Variants in AGBL1 observed in about 807,000 individuals in gnomAD.
The protein encoded by AGBL1 is AGBL carboxypeptidase 1, also known as cytosolic carboxypeptidase 4.
A neutral mutation model predicts 118.9 loss-of-function variants in AGBL1; 130 were observed. The ratio of observed to expected loss-of-function variants is 1.09; its 90% CI spans 0.95 to 1.26. AGBL1 has a LOEUF of 1.26. Among genes scored for constraint, AGBL1 ranks in the 50% most tolerant of loss-of-function variants. AGBL1 has a pLI of 0.00. For missense variants in AGBL1, 1,584 were observed against 1,298.1 expected (o/e 1.22, Z -3.38); for synonymous variants, 555 against 478.9 (o/e 1.16, Z -2.08).
At chr15:86,372,880 G>A (rs2080989820) in intron 17 of AGBL1, among the ~76,000 whole-genome samples, 1 of 151,970 alleles carries the variant, frequency 6.6e-6, no homozygotes. Context: ...CACCCTTGCT[G>A]CCCCTACAGA....
At chr15:86,705,131 C>T (rs945849094) in intron 22 of AGBL1, among the ~76,000 whole-genome samples, 6 of 152,036 alleles carry the variant, frequency 3.9e-5, no homozygotes, top group Admixed American at 2.6e-4. Context: ...TGGGCCCTGT[C>T]AGTGGCTGGT....
At chr15:86,551,424 G>C (rs1208037444) in intron 20 of AGBL1, among the ~76,000 whole-genome samples, 3 of 152,044 alleles carry the variant, frequency 2.0e-5, no homozygotes, top group Non-Finnish European at 4.4e-5. Flanking sequence ...ATCTTACAAA[G>C]TAAAAATGAA....
intron 16 of AGBL1, among the ~76,000 whole-genome samples, chr15:86,292,106 CA>C: frequency 6.6e-6 from 1 of 152,218 alleles, no homozygotes; most frequent in South Asian, 2.1e-4. Flanking sequence ...GTCCACATCG[CA>C]ATCCTGTGAA....
At chr15:86,962,040 C>T (rs897409155) in intron 23 of AGBL1, among the ~76,000 whole-genome samples, 2 of 152,058 alleles carry the variant, frequency 1.3e-5, no homozygotes, top group East Asian at 1.9e-4. Flanking sequence ...GATGTATTGG[C>T]GAGTTCTTAT....
At chr15:86,397,117 A>T (rs1367068280) in intron 17 of AGBL1, among the ~76,000 whole-genome samples, 1 of 152,192 alleles carries the variant, frequency 6.6e-6, no homozygotes, top group Non-Finnish European at 1.5e-5. Flanking sequence ...CAATCATGTG[A>T]AAATCAGTTT....
intron 1 of AGBL1, chr15:86,087,986 C>T (rs1467902886): frequency 6.6e-6 from 1 of 152,358 alleles, no homozygotes; most frequent in African/African-American, 2.4e-5. Flanking sequence ...GAACAGGGAT[C>T]AGCATTCTTT....
chr15:86,712,355 C>T (rs887782083), intron 22 of AGBL1, among the ~76,000 whole-genome samples: 8 of 146,254 alleles, frequency 5.5e-5, no homozygotes, highest in African/African-American at 1.8e-4. Context: ...ATTACAGAGA[C>T]GATGTGTACT....
intron 17 of AGBL1, among the ~76,000 whole-genome samples, chr15:86,351,694 G>A (rs1376694489): frequency 2.0e-5 from 3 of 152,192 alleles, no homozygotes; most frequent in Non-Finnish European, 4.4e-5. Context: ...TTTTTTATAA[G>A]TTTACATCCA....
chr15:87,018,931 A>G (rs1030675586), intron 24 of AGBL1, among the ~76,000 whole-genome samples: 3 of 152,120 alleles, frequency 2.0e-5, no homozygotes, highest in Admixed American at 2.0e-4. Context: ...ATGGAGGAAA[A>G]TTTACCAAAT....
intron 18 of AGBL1, among the ~76,000 whole-genome samples, chr15:86,441,359 T>C (rs1203806063): frequency 6.6e-6 from 1 of 152,194 alleles, no homozygotes; most frequent in Non-Finnish European, 1.5e-5. Flanking sequence ...TCTCGTGCTA[T>C]GGAAAACAAA....
intron 7 of AGBL1, among the ~76,000 whole-genome samples, chr15:86,250,964 T>A (rs28397929): frequency 0.013 from 1,904 of 152,210 alleles, 53 homozygotes; most frequent in African/African-American, 0.044. Context: ...CCAGTGATAG[T>A]GATGACAATG....
At chr15:86,727,646 T>C (rs916730828) in intron 22 of AGBL1, among the ~76,000 whole-genome samples, 2 of 152,208 alleles carry the variant, frequency 1.3e-5, no homozygotes, top group African/African-American at 2.4e-5. Flanking sequence ...CAATTAAAGC[T>C]GGAAAAGTAA....
chr15:86,307,654 C>A (rs2079860812), intron 17 of AGBL1, among the ~76,000 whole-genome samples: 1 of 151,936 alleles, frequency 6.6e-6, no homozygotes, highest in Non-Finnish European at 1.5e-5. Flanking sequence ...GTAGTCCCAA[C>A]CATTTGAGAG....
chr15:86,546,834 C>A (rs1016890036), intron 20 of AGBL1, among the ~76,000 whole-genome samples: 4 of 152,124 alleles, frequency 2.6e-5, no homozygotes, highest in African/African-American at 9.7e-5. Flanking sequence ...CAGGAAGAAG[C>A]AAAGTTGCCC....
chr15:86,475,911 G>C (rs962652733), intron 18 of AGBL1, among the ~76,000 whole-genome samples: 7 of 152,188 alleles, frequency 4.6e-5, no homozygotes, highest in Admixed American at 2.0e-4. Context: ...GAGAGTGGGG[G>C]CCAATATTTA....
intron 22 of AGBL1, among the ~76,000 whole-genome samples, chr15:86,749,071 A>C (rs1203898783): frequency 6.6e-6 from 1 of 152,008 alleles, no homozygotes; most frequent in African/African-American, 2.4e-5. Flanking sequence ...CTTGATGGGG[A>C]TGGGATTGAA....
At chr15:86,853,786 C>T (rs571363953) in intron 22 of AGBL1, among the ~76,000 whole-genome samples, 11 of 152,280 alleles carry the variant, frequency 7.2e-5, no homozygotes, top group Admixed American at 3.3e-4. Flanking sequence ...TTTTAAAGAA[C>T]ATCGGACTAA....
chr15:86,449,120 T>G (rs1225860238), intron 18 of AGBL1, among the ~76,000 whole-genome samples: 7 of 151,734 alleles, frequency 4.6e-5, no homozygotes, highest in African/African-American at 1.7e-4. Context: ...ATGAGTAAAT[T>G]TCTAAAGCAA....
At chr15:86,872,102 C>A (rs984199208) in intron 22 of AGBL1, among the ~76,000 whole-genome samples, 1 of 152,180 alleles carries the variant, frequency 6.6e-6, no homozygotes, top group Non-Finnish European at 1.5e-5. Flanking sequence ...AAACACAGAG[C>A]AGATTCCAAT....
Sources: allele counts gnomAD v4.1 joint callset (sites outside exome capture counted in the v4.1 genomes callset), GRCh38; gene constraint gnomAD v4.1.1; transcripts MANE v1.5; gene names NCBI Gene and HGNC (gene_info 2026-07-23, HGNC 2026-07-21).